Variants in FCN1 observed in about 807,000 individuals in gnomAD.
FCN1 encodes the protein ficolin 1, also known as ficolin-1.
In FCN1, 42 loss-of-function variants were observed where a neutral mutation model predicts 35.6. That is an observed-to-expected ratio of 1.18 (90% CI 0.92 to 1.53). FCN1 has a LOEUF of 1.53. FCN1 is among the 40% of genes most tolerant of loss of function. The pLI is 0.00. For missense variants in FCN1, 439 were observed against 428.4 expected, an observed-to-expected ratio of 1.02 and a Z score of -0.22; for synonymous variants, 179 against 169.8, an observed-to-expected ratio of 1.05 and a Z score of -0.42.
Position 134,916,416 on chromosome 9 carries a change from A to G in FCN1, c.149T>C (p.Leu50Pro). The G allele has an allele frequency of 6.2e-7, 1 of 1,614,144 alleles. No homozygotes were observed. The highest frequency in any genetic ancestry group is 8.5e-7 in the Non-Finnish European group (1 of 1,180,012). ...CCCGGGCAGCCCCGGGCAGCCTCGGAGAATGGTGAGCTTGTCAGAGCCCTC... is the reference window on the plus strand; with the variant it reads ...CCCGGGCAGCCCCGGGCAGCCTCGGGGAATGGTGAGCTTGTCAGAGCCCTC... Reference protein sequence around the residue: ...GLEGSDKLTILRGCPGLPGAP... With the variant: ...GLEGSDKLTIPRGCPGLPGAP... The change falls in exon 2 of 9, where the codon CTC (leucine) becomes CCC (proline). Residue 50 changes from leucine to proline, a missense_variant. Leu to Pro is a moderately conservative substitution (Grantham distance 98). Coordinates refer to ENST00000371806, the MANE Select transcript of FCN1 (RefSeq NM_002003.5).
intron 7 of FCN1, 35 bp from the exon 8 acceptor site, chr9:134,911,302 A>C (rs1831020320): frequency 1.2e-6 from 2 of 1,607,926 alleles, no homozygotes; most frequent in South Asian, 1.1e-5. Flanking sequence ...CCAGCCTTTA[A>C]GATCTTTCTG....
intron 1 of FCN1, 66 bp from the exon 2 acceptor site, chr9:134,916,527 G>T (rs1488955750): frequency 1.4e-6 from 2 of 1,455,108 alleles, no homozygotes; most frequent in Non-Finnish European, 1.9e-6. Flanking sequence ...GAGGTTTTCT[G>T]CTCTGCTGGG....
In FCN1 at chr9:134,906,625, C is replaced by T. The variant is rs909936526; in HGVS notation, c.*3173G>A. ...TAAATATGCCAATACCGTGTATAAA[C>T]GCACTAAGATTTCCATGTAATATTA... On this transcript the variant is annotated 3_prime_UTR_variant, in exon 9 of 9. Coordinates refer to ENST00000371806, the MANE Select transcript of FCN1 (RefSeq NM_002003.5). 2 of 152,122 alleles carry T rather than the reference C, an allele frequency of 1.3e-5. No individual in the cohort carries two copies. The highest frequency in any genetic ancestry group is 2.9e-5 in the Non-Finnish European group (2 of 68,020). The allele number at this position is 152,122 out of a possible 1,614,324, so 9.4% of individuals were successfully genotyped here. A position where few individuals can be genotyped will look rare whatever the true frequency, so the allele number is the denominator to read the frequency against.
intron 2 of FCN1, 74 bp downstream of exon 2, chr9:134,916,274 C>T (rs1177045186): frequency 6.8e-6 from 8 of 1,172,494 alleles, no homozygotes; most frequent in Non-Finnish European, 1.0e-5. Flanking sequence ...TTGCCCAACT[C>T]TGCATCCAGT....
intron 1 of FCN1, among the ~76,000 whole-genome samples, chr9:134,916,709 G>A (rs1249844810): frequency 6.6e-6 from 1 of 152,244 alleles, no homozygotes; most frequent in African/African-American, 2.4e-5. Context: ...CTGCCAAGCG[G>A]GGATAATAAC....
chr9:134,913,148 G>T lies in FCN1; in HGVS notation c.341-5C>A. Reference sequence around the variant, plus strand: ...GGTCCTTGCAGTTGCGTGGGCCTGGGAAGGGAACCCGGGGAATGGCTGCAG... The same window carrying T: ...GGTCCTTGCAGTTGCGTGGGCCTGGTAAGGGAACCCGGGGAATGGCTGCAG... On this transcript the variant is annotated splice_polypyrimidine_tract_variant and splice_region_variant and intron_variant, in intron 5 of 8. Coordinates refer to ENST00000371806, the MANE Select transcript of FCN1 (RefSeq NM_002003.5). 6.2e-7 allele frequency: 1 copy of T among 1,613,676 alleles called. No homozygotes were observed. Among genetic ancestry groups the T allele is most frequent in the Non-Finnish European group, 8.5e-7 (1 of 1,179,850 alleles).
Position 134,917,858 on chromosome 9 carries a change from C to G in FCN1, c.14G>C (p.Gly5Ala). The stretch of plus-strand genomic sequence containing the variant: ...AGCGAGCCCCCGGGCCATGGTGGCT[C>G]CACTCAGCTCCATGCTCTCTGGCCT... Reference protein sequence around the residue: MELSGATMARGLAVL... With the variant: MELSAATMARGLAVL... Residue 5 changes from glycine (G) to alanine (A), a missense_variant, in exon 1 of 9, where the codon GGA (glycine) becomes GCA (alanine). Coordinates refer to ENST00000371806, the MANE Select transcript of FCN1 (RefSeq NM_002003.5). 6.2e-7 allele frequency: 1 copy of G among 1,612,788 alleles called. No homozygotes were observed. Among genetic ancestry groups the G allele is most frequent in the East Asian group, 2.2e-5 (1 of 44,870 alleles).
Position 134,909,830 on chromosome 9 carries a change from T to C in FCN1, c.949A>G (p.Lys317Glu), listed in dbSNP as rs1216087809. 1.7e-5 allele frequency: 28 copies of C among 1,613,924 alleles called. No homozygotes were observed. Among genetic ancestry groups the C allele is most frequent in the Non-Finnish European group, 2.3e-5 (27 of 1,179,994 alleles). The stretch of plus-strand genomic sequence containing the variant: ...GGCCGCACCTTCATCTCTGACACCT[T>C]GTAGCTATATTTGTACCCCTTCGCC... ...SAAKGYKYSY[K>E]VSEMKVRPA Residue 317 changes from lysine (K) to glutamate (E), a missense_variant, in exon 9 of 9, where the codon AAG becomes GAG. By Grantham distance (56) the Lys-to-Glu change is moderately conservative. Transcript: ENST00000371806.
In FCN1 at chr9:134,906,201, A is replaced by G. The variant is rs1423138843; in HGVS notation, c.*3597T>C. 2 of 151,962 alleles carry G rather than the reference A, an allele frequency of 1.3e-5. No individual in the cohort carries two copies. The highest frequency in any genetic ancestry group is 2.9e-5 in the Non-Finnish European group (2 of 68,050). The allele number at this position is 151,962 out of a possible 1,614,324, so 9.4% of individuals were successfully genotyped here. The stretch of plus-strand genomic sequence containing the variant: ...AGTGATCCACCCACTTCAGCCTCCT[A>G]AAGTGCTAGGATTACAGGCGTGAGC... On this transcript the variant is annotated 3_prime_UTR_variant, in exon 9 of 9. Transcript: ENST00000371806.
In FCN1 at chr9:134,909,949, G is replaced by A. The variant is rs145707204; in HGVS notation, c.830C>T (p.Ala277Val). The A allele has an allele frequency of 3.7e-6, 6 of 1,614,054 alleles. No individual in the cohort carries two copies. The East Asian group carries it at 1.1e-4, about 30-fold the overall frequency. ...SSNCAEKFQG[A>V]WWYADCHASN... is the part of the protein sequence containing the mutation. The stretch of plus-strand genomic sequence containing the variant: ...AGCATGACAGTCGGCGTACCACCAG[G>A]CTCCTTGGAACTTCTCAGCACAATT... The change falls in exon 9 of 9, where the codon GCC becomes GTC. Residue 277 changes from alanine (A) to valine (V), a missense_variant. Ala to Val is a moderately conservative substitution (Grantham distance 64). Coordinates refer to ENST00000371806, the MANE Select transcript of FCN1 (RefSeq NM_002003.5).
intron 2 of FCN1, 136 bp downstream of exon 2, chr9:134,916,212 C>T (rs1200330445): frequency 1.4e-6 from 1 of 723,538 alleles, no homozygotes; most frequent in Non-Finnish European, 2.5e-6. Context: ...CTGTTCCTGG[C>T]TCTAGCAGGG....
rs765915284 is a variant in FCN1 at position 134,911,256 on chromosome 9, G to A, written c.610C>T (p.Leu204Phe). ...TCAAAGTCCACCAGGTCTACACGGA[G>A]CTCGCTGCTTCCTGTTGGAAAAAGA... ...HALTAQGSSE[L>F]RVDLVDFEGN... The change falls in exon 8 of 9, where the codon CTC becomes TTC. Residue 204 changes from leucine (L) to phenylalanine (F), a missense_variant. Transcript: ENST00000371806. The A allele has an allele frequency of 6.2e-7, 1 of 1,614,016 alleles. No individual in the cohort carries two copies. The highest frequency in any genetic ancestry group is 8.5e-7 in the Non-Finnish European group (1 of 1,179,922).
In FCN1 at chr9:134,911,511, C is replaced by CT. The variant is rs34347752; in HGVS notation, c.599-245dup. ...AGGTGTGTGCCACCACACACAGCTA[C>CT]TTTTTTTTTTTTTTGTATTTTTAGT... On this transcript the variant is annotated intron_variant, in intron 7 of 8. Transcript: ENST00000371806. 9.0e-3 allele frequency among the ~76,000 whole-genome samples: 1,296 copies of CT among 144,324 alleles called. 5 individuals are homozygous for CT. The highest frequency in any genetic ancestry group is 0.025 in the Middle Eastern group (7 of 278). The allele number at this position is 144,324 out of a possible 152,430, so 94.7% of individuals were successfully genotyped here.
At position 134,907,186 on chromosome 9, in the gene FCN1, G is replaced by T. The variant is rs557641246; in HGVS notation, c.*2612C>A. 6.6e-6 allele frequency: 1 copy of T among 152,262 alleles called. No homozygotes were observed. Among genetic ancestry groups the T allele is most frequent in the African/African-American group, 2.4e-5 (1 of 41,562 alleles). 9.4% of individuals were successfully genotyped at this position (152,262 alleles called of 1,614,324 possible). On this transcript the variant is annotated 3_prime_UTR_variant, in exon 9 of 9. Coordinates refer to ENST00000371806, the MANE Select transcript of FCN1 (RefSeq NM_002003.5). ...ACTTAAAGCTAAGTCTTCCTAGGTT[G>T]TAAAAATGCTTACCTACTGAGGGAC...
chr9:134,913,565 G>A lies in FCN1; in HGVS notation c.340+16C>T. The A allele has an allele frequency of 6.2e-7, 1 of 1,603,048 alleles. No homozygotes were observed. Among genetic ancestry groups the A allele is most frequent in the Non-Finnish European group, 8.5e-7 (1 of 1,173,352 alleles). On this transcript the variant is annotated intron_variant, in intron 5 of 8. Transcript: ENST00000371806. The stretch of plus-strand genomic sequence containing the variant: ...GGGCAAGGCTTGGGTACCGAGGTCA[G>A]GGTGTGATCAGTCACCTGTCGCACA...
Position 134,917,828 on chromosome 9 carries a change from A to C in FCN1, c.44T>G (p.Leu15Arg). The C allele has an allele frequency of 6.2e-7, 1 of 1,614,050 alleles. No individual in the cohort carries two copies. Among genetic ancestry groups the C allele is most frequent in the African/African-American group, 1.3e-5 (1 of 75,038 alleles). Reference sequence around the variant, plus strand: ...CTTGATATGCAGGAACAAGACTAGCAGGACAGCGAGCCCCCGGGCCATGGT... The same window carrying C: ...CTTGATATGCAGGAACAAGACTAGCCGGACAGCGAGCCCCCGGGCCATGGT... ...GATMARGLAV[L>R]LVLFLHIKNL... The change falls in exon 1 of 9, where the codon CTG (leucine) becomes CGG (arginine). Residue 15 changes from leucine (L) to arginine (R), a missense_variant. Transcript: ENST00000371806.
At position 134,914,776 on chromosome 9, in the gene FCN1, G is replaced by A; in HGVS notation, c.251C>T (p.Ala84Val). 1 of 1,612,784 alleles carries A rather than the reference G, an allele frequency of 6.2e-7. No homozygotes were observed. Among genetic ancestry groups the A allele is most frequent in the Non-Finnish European group, 8.5e-7 (1 of 1,179,294 alleles). ...ERGLPGAPGK[A>V]GPVGPKGDRG... Reference sequence around the variant, plus strand: ...GTTACCTTTGGGCCCCACTGGTCCTGCCTTTCCAGGGGCTCCAGGGAGACC... The same window carrying A: ...GTTACCTTTGGGCCCCACTGGTCCTACCTTTCCAGGGGCTCCAGGGAGACC... The change falls in exon 3 of 9, where the codon GCA becomes GTA. Residue 84 changes from alanine (A) to valine (V), a missense_variant. By Grantham distance (64) the Ala-to-Val change is moderately conservative. Coordinates refer to ENST00000371806, the MANE Select transcript of FCN1 (RefSeq NM_002003.5).
rs983667085 is a variant in FCN1, at chr9:134,905,067, G to T, written c.*4731C>A. Among the ~76,000 whole-genome samples, 2 of 152,092 alleles carry T rather than the reference G, an allele frequency of 1.3e-5. No homozygotes were observed. Among genetic ancestry groups the T allele is most frequent in the Non-Finnish European group, 2.9e-5 (2 of 68,026 alleles). On this transcript the variant is annotated 3_prime_UTR_variant, in exon 9 of 9. Coordinates refer to ENST00000371806, the MANE Select transcript of FCN1 (RefSeq NM_002003.5). ...CAAAGTCTTCATTGGTAAAGTGGTA[G>T]AAGGAATAATTTATAGTATACCGTA...
Position 134,907,093 on chromosome 9 carries a change from A to G in FCN1, c.*2705T>C, listed in dbSNP as rs895044686. On this transcript the variant is annotated 3_prime_UTR_variant, in exon 9 of 9. Transcript: ENST00000371806. Reference sequence around the variant, plus strand: ...TCTCAAAAAACAAACTAAAAGGCATATTTCTATGGCTATTTTATATTTATA... The same window carrying G: ...TCTCAAAAAACAAACTAAAAGGCATGTTTCTATGGCTATTTTATATTTATA... 1 of 152,062 alleles carries G rather than the reference A, an allele frequency of 6.6e-6. No individual in the cohort carries two copies. The highest frequency in any genetic ancestry group is 1.5e-5 in the Non-Finnish European group (1 of 68,016). The allele number at this position is 152,062 out of a possible 1,614,324, so 9.4% of individuals were successfully genotyped here. A position where few individuals can be genotyped will look rare whatever the true frequency, so the allele number is the denominator to read the frequency against.
Sources: gnomAD v4.1 joint callset for allele counts (sites outside exome capture counted in the v4.1 genomes callset) on GRCh38, gnomAD v4.1.1 for gene constraint, MANE v1.5 for transcripts, NCBI Gene and HGNC (gene_info 2026-07-23, HGNC 2026-07-21) for gene names.